FCHSD2: variants seen among roughly 807,000 people sequenced by gnomAD.
FCHSD2 encodes F-BAR and double SH3 domains protein 2.
FCHSD2 carries 38 observed loss-of-function variants against 108.1 expected under a neutral mutation model. The ratio of observed to expected loss-of-function variants is 0.35; its 90% confidence interval spans 0.27 to 0.46. The LOEUF is 0.46. FCHSD2 is among the 20% of genes least tolerant of loss of function. FCHSD2 has a pLI of 1.00. For missense variants in FCHSD2, 751 were observed against 897.8 expected (o/e 0.84, Z 2.09); for synonymous variants, 279 against 314.7 (o/e 0.89, Z 1.20).
chr11:73,053,426 C>T (rs1054428821), intron 3 of FCHSD2, among the ~76,000 whole-genome samples: 1 of 152,020 alleles, frequency 6.6e-6, no homozygotes. Flanking sequence ...CTTGCTTCAC[C>T]TTGGAAAAAA....
At chr11:73,139,963 G>A (rs1861209184) in intron 2 of FCHSD2, 68 bp downstream of exon 2, 1 of 828,310 alleles carries the variant, frequency 1.2e-6, no homozygotes, top group Non-Finnish European at 1.9e-6. Context: ...AGTTCCTGGG[G>A]CTTGGTAACT....
chr11:72,862,445 G>GGATT, intron 13 of FCHSD2, among the ~76,000 whole-genome samples: 1 of 152,220 alleles, frequency 6.6e-6, no homozygotes, highest in Non-Finnish European at 1.5e-5. Flanking sequence ...TTATGGATCA[G>GGATT]CAATGAACAA....
At chr11:72,855,146 G>T (rs1246918324) in intron 13 of FCHSD2, among the ~76,000 whole-genome samples, 1 of 152,218 alleles carries the variant, frequency 6.6e-6, no homozygotes, top group Non-Finnish European at 1.5e-5. Flanking sequence ...GGTGGCGCAT[G>T]CCTATAACCC....
intron 3 of FCHSD2, among the ~76,000 whole-genome samples, chr11:73,026,465 TACCTTA>T (rs1210208405): frequency 2.0e-5 from 3 of 152,186 alleles, no homozygotes; most frequent in Non-Finnish European, 4.4e-5. Flanking sequence ...TCATATCATA[TACCTTA>T]AATATATGCA....
intron 8 of FCHSD2, among the ~76,000 whole-genome samples, chr11:72,922,936 G>A (rs1238081845): frequency 1.3e-5 from 2 of 152,038 alleles, no homozygotes; most frequent in Non-Finnish European, 2.9e-5. Context: ...CCTGTTAAGT[G>A]GTCATTCTCC....
At position 73,127,121 on chromosome 11, in the gene FCHSD2, A is replaced by C. The variant is rs566278179; in HGVS notation, c.119+12910T>G. ...GGAAAAACAATTATCACTAAAATAC[A>C]ATCAGGAGACATATATAATATATAC... On this transcript the variant is annotated intron_variant, in intron 2 of 19. Coordinates refer to ENST00000409418, the MANE Select transcript of FCHSD2 (RefSeq NM_014824.3). Among the ~76,000 whole-genome samples the C allele has an allele frequency of 9.5e-4, 145 of 152,338 alleles. 1 individual carries two copies. Among genetic ancestry groups the C allele is most frequent in the African/African-American group, 3.2e-3 (135 of 41,578 alleles).
At chr11:72,885,751 G>A (rs1476285534) in intron 12 of FCHSD2, among the ~76,000 whole-genome samples, 2 of 152,160 alleles carry the variant, frequency 1.3e-5, no homozygotes, top group Non-Finnish European at 2.9e-5. Flanking sequence ...CCACAGGCCA[G>A]TGTTTCTTAG....
chr11:72,920,471 T>C (rs1176798106), intron 9 of FCHSD2, among the ~76,000 whole-genome samples: 1 of 152,202 alleles, frequency 6.6e-6, no homozygotes, highest in Non-Finnish European at 1.5e-5. Context: ...CTGGGCATGG[T>C]GGCTCATGCC....
At chr11:72,974,078 C>T (rs943959232) in intron 8 of FCHSD2, among the ~76,000 whole-genome samples, 4 of 104,978 alleles carry the variant, frequency 3.8e-5, no homozygotes, top group Non-Finnish European at 7.2e-5. Context: ...GGGCGGGGGG[C>T]GGGATGGAAG....
At chr11:73,068,015 G>A (rs1057139170) in intron 3 of FCHSD2, among the ~76,000 whole-genome samples, 35 of 152,024 alleles carry the variant, frequency 2.3e-4, no homozygotes, top group Non-Finnish European at 1.6e-4. Context: ...AAGTGAAAGG[G>A]GTTTCCCCTT....
rs1289520396 is a variant in FCHSD2, at chr11:72,843,257, G to A, written c.1599C>T (p.Leu533=). 6.2e-7 allele frequency: 1 copy of A among 1,614,018 alleles called. No individual in the cohort carries two copies. The highest frequency in any genetic ancestry group is 8.5e-7 in the Non-Finnish European group (1 of 1,179,890). Residue 533 remains leucine (L), a synonymous_variant, in exon 16 of 20, where the codon CTC becomes CTT. Transcript: ENST00000409418. ...KYLQFPTSNS[L]LSMLQSLAAL... ...CGGCCAGGGACTGCAGCATGCTCAG[G>A]AGGCTGTTCGAGGTGGGAAACTGTA...
intron 9 of FCHSD2, among the ~76,000 whole-genome samples, chr11:72,904,619 A>G (rs1855591066): frequency 6.6e-6 from 1 of 152,234 alleles, no homozygotes; most frequent in Non-Finnish European, 1.5e-5. Context: ...CTCTTTTAAG[A>G]AAATATATCC....
At chr11:72,917,595 C>T (rs922803931) in intron 9 of FCHSD2, among the ~76,000 whole-genome samples, 1 of 151,998 alleles carries the variant, frequency 6.6e-6, no homozygotes, top group African/African-American at 2.4e-5. Context: ...CATATTAATT[C>T]GAAGACTGGG....
rs773518304 is a variant in FCHSD2, at chr11:72,867,870, G to C, written c.1303C>G (p.His435Asp). The C allele has an allele frequency of 1.2e-6, 2 of 1,611,814 alleles. No homozygotes were observed. The change falls in exon 13 of 20, where the codon CAC (histidine) becomes GAC (aspartate). Residue 435 changes from histidine to aspartate, a missense_variant. Coordinates refer to ENST00000409418, the MANE Select transcript of FCHSD2 (RefSeq NM_014824.3). ...PPAVTSNGTL[H>D]SLNADTEREE... is the part of the protein sequence containing the mutation. Reference sequence around the variant, plus strand: ...TCCAAGAAAAGAAATCGTACCGAGTGTAAAGTGCCATTACTGGTCACTGCA... The same window carrying C: ...TCCAAGAAAAGAAATCGTACCGAGTCTAAAGTGCCATTACTGGTCACTGCA...
intron 5 of FCHSD2, 114 bp from the exon 6 acceptor site, chr11:72,989,211 C>G (rs561977608): frequency 1.4e-6 from 1 of 696,196 alleles, no homozygotes; most frequent in South Asian, 2.3e-5. Context: ...GGGGAAAAGT[C>G]AGTACGTTCA....
At chr11:72,973,682 G>C (rs1565349090) in intron 8 of FCHSD2, among the ~76,000 whole-genome samples, 1 of 152,168 alleles carries the variant, frequency 6.6e-6, no homozygotes, top group Non-Finnish European at 1.5e-5. Flanking sequence ...CTTGGTGGTT[G>C]GGTAAATGGG....
intron 2 of FCHSD2, among the ~76,000 whole-genome samples, chr11:73,136,664 A>G (rs963878451): frequency 1.3e-5 from 2 of 152,230 alleles, no homozygotes; most frequent in East Asian, 1.9e-4. Context: ...GGCAGGGGGC[A>G]CTGGTGAGAA....
chr11:72,875,946 T>C (rs1330374082), intron 12 of FCHSD2, among the ~76,000 whole-genome samples: 2 of 152,206 alleles, frequency 1.3e-5, no homozygotes, highest in East Asian at 3.8e-4. Flanking sequence ...GACCCAGCCA[T>C]CACAGCTGAG....
intron 5 of FCHSD2, among the ~76,000 whole-genome samples, chr11:72,997,031 G>C (rs1338235721): frequency 6.6e-6 from 1 of 152,180 alleles, no homozygotes. Flanking sequence ...TGAGAGGTAA[G>C]GGTCTAGAAA....
Sources: gnomAD v4.1 joint callset for allele counts (sites outside exome capture counted in the v4.1 genomes callset) on GRCh38, gnomAD v4.1.1 for gene constraint, MANE v1.5 for transcripts, NCBI Gene and HGNC (gene_info 2026-07-23, HGNC 2026-07-21) for gene names.